UBE3D: variants seen among roughly 807,000 people sequenced by gnomAD.
UBE3D encodes ubiquitin protein ligase E3D, also known as E3 ubiquitin-protein ligase E3D.
A neutral mutation model predicts 49.6 loss-of-function variants in UBE3D; 48 were observed. The ratio of observed to expected loss-of-function variants is 0.97; its 90% CI spans 0.77 to 1.23. UBE3D has a LOEUF of 1.23. Among genes scored for constraint, UBE3D ranks in the 50% most tolerant of loss-of-function variants. The pLI, the probability that UBE3D is intolerant of heterozygous loss-of-function variation, is 0.00. For missense variants in UBE3D, 452 were observed against 468.4 expected (o/e 0.96, Z 0.32); for synonymous variants, 189 against 174.2 (o/e 1.08, Z -0.67).
At chr6:83,008,870 C>G (rs1780161942) in intron 8 of UBE3D, among the ~76,000 whole-genome samples, 1 of 152,088 alleles carries the variant, frequency 6.6e-6, no homozygotes, top group East Asian at 1.9e-4. Context: ...GGCAGAGAGT[C>G]AAACAACAGC....
chr6:82,914,177 TTTTG>T (rs990762683), intron 9 of UBE3D, among the ~76,000 whole-genome samples: 1 of 152,208 alleles, frequency 6.6e-6, no homozygotes, highest in Non-Finnish European at 1.5e-5. Flanking sequence ...TAGACTTATA[TTTTG>T]TTTTTGTTTA....
At chr6:83,047,224 A>G (rs1339449573) in intron 3 of UBE3D, among the ~76,000 whole-genome samples, 1 of 152,236 alleles carries the variant, frequency 6.6e-6, no homozygotes, top group Non-Finnish European at 1.5e-5. Context: ...GAAACCAGGT[A>G]AGAGCTTAGG....
At chr6:83,062,049 AT>A (rs1476756949) in intron 1 of UBE3D, among the ~76,000 whole-genome samples, 9 of 151,596 alleles carry the variant, frequency 5.9e-5, no homozygotes, top group East Asian at 1.9e-4. Context: ...TTTTTGTTTA[AT>A]TTTTTTCTCC....
At chr6:82,975,645 AC>A (rs1289630265) in intron 8 of UBE3D, among the ~76,000 whole-genome samples, 1 of 152,186 alleles carries the variant, frequency 6.6e-6, no homozygotes, top group Non-Finnish European at 1.5e-5. Context: ...GATTAACATT[AC>A]TTTTATATGA....
At chr6:83,060,621 T>C (rs139222365) in intron 1 of UBE3D, among the ~76,000 whole-genome samples, 162 of 152,316 alleles carry the variant, frequency 1.1e-3, no homozygotes, top group African/African-American at 3.8e-3. Context: ...CATTTTCTGC[T>C]TTAAAAAACG....
Position 82,945,219 on chromosome 6 carries a change from G to A in UBE3D, c.1149+12093C>T, listed in dbSNP as rs183841933. Among the ~76,000 whole-genome samples, 5 of 152,336 alleles carry A rather than the reference G, an allele frequency of 3.3e-5. No homozygotes were observed. The East Asian group carries it at 9.7e-4, about 29-fold the overall frequency. On this transcript the variant is annotated intron_variant, in intron 9 of 9. Coordinates refer to ENST00000369747, the MANE Select transcript of UBE3D (RefSeq NM_198920.3). ...AGCAGTCTTTGTGATGGTGGCCACAGGGGCGATTGTGTCACCTCAGCCCCA... is the reference window on the plus strand; with the variant it reads ...AGCAGTCTTTGTGATGGTGGCCACAAGGGCGATTGTGTCACCTCAGCCCCA...
chr6:82,913,378 G>T (rs954120280), intron 9 of UBE3D, among the ~76,000 whole-genome samples: 1 of 152,176 alleles, frequency 6.6e-6, no homozygotes, highest in Non-Finnish European at 1.5e-5. Context: ...CTCAGAAAAG[G>T]AATGACAGGG....
intron 9 of UBE3D, among the ~76,000 whole-genome samples, chr6:82,943,523 C>G (rs1050941753): frequency 2.0e-5 from 3 of 152,140 alleles, no homozygotes; most frequent in Admixed American, 2.0e-4. Flanking sequence ...GTAGTCCCAG[C>G]TACTTGGGAG....
At chr6:83,020,853 T>C (rs1317338880) in intron 7 of UBE3D, among the ~76,000 whole-genome samples, 1 of 152,216 alleles carries the variant, frequency 6.6e-6, no homozygotes, top group East Asian at 1.9e-4. Flanking sequence ...AAGGCATTTG[T>C]GTTCTACCTT....
chr6:83,051,867 A>G (rs753346760), intron 3 of UBE3D, among the ~76,000 whole-genome samples: 9 of 152,204 alleles, frequency 5.9e-5, no homozygotes, highest in Non-Finnish European at 1.0e-4. Flanking sequence ...ACTCTGTGCC[A>G]TCTCATCTAC....
chr6:82,893,004 A>C lies in UBE3D; in HGVS notation c.*18T>G, dbSNP rs748163761. On this transcript the variant is annotated 3_prime_UTR_variant, in exon 10 of 10. Coordinates refer to ENST00000369747, the MANE Select transcript of UBE3D (RefSeq NM_198920.3). ...TGAGAGCTGTCTGCCGGGGGAGGAG[A>C]ATGCCCAGCTCTAATAGTTACATCT... 3.1e-6 allele frequency: 5 copies of C among 1,613,652 alleles called. No individual in the cohort carries two copies. Among genetic ancestry groups the C allele is most frequent in the Non-Finnish European group, 4.2e-6 (5 of 1,179,848 alleles).
At position 82,947,549 on chromosome 6, in the gene UBE3D, T is replaced by C. The variant is rs1775494792; in HGVS notation, c.1149+9763A>G. The stretch of plus-strand genomic sequence containing the variant: ...CTTTTCTTTTTCTTGCCCTATCTTA[T>C]GGTGCTGAACAATACATATTCTTCT... On this transcript the variant is annotated intron_variant, in intron 9 of 9. Coordinates refer to ENST00000369747, the MANE Select transcript of UBE3D (RefSeq NM_198920.3). Among the ~76,000 whole-genome samples the C allele has an allele frequency of 2.0e-5, 3 of 151,942 alleles. 1 individual carries two copies. The highest frequency in any genetic ancestry group is 3.8e-4 in the East Asian group (2 of 5,196).
intron 9 of UBE3D, among the ~76,000 whole-genome samples, chr6:82,942,696 G>A (rs1228505984): frequency 1.3e-5 from 2 of 152,250 alleles, no homozygotes; most frequent in Admixed American, 1.3e-4. Context: ...TGAGTGCACA[G>A]TTGTCAAGAA....
At chr6:83,004,131 T>C (rs1243829761) in intron 8 of UBE3D, among the ~76,000 whole-genome samples, 1 of 152,196 alleles carries the variant, frequency 6.6e-6, no homozygotes, top group Non-Finnish European at 1.5e-5. Flanking sequence ...ATGAACATAC[T>C]GTAAATCAGA....
downstream of UBE3D, among the ~76,000 whole-genome samples, chr6:82,890,209 C>A (rs1770955454): frequency 6.6e-6 from 1 of 152,116 alleles, no homozygotes; most frequent in Non-Finnish European, 1.5e-5. Flanking sequence ...ATTTAAATGT[C>A]TTTAATGCTA....
chr6:83,044,344 C>G, intron 4 of UBE3D, 84 bp downstream of exon 4: 2 of 1,337,682 alleles, frequency 1.5e-6, no homozygotes, highest in Non-Finnish European at 2.1e-6. Context: ...GTCTATGTAA[C>G]AAGCCCTTAA....
At chr6:82,897,808 G>A (rs763021219) in intron 9 of UBE3D, among the ~76,000 whole-genome samples, 1 of 152,144 alleles carries the variant, frequency 6.6e-6, no homozygotes, top group African/African-American at 2.4e-5. Context: ...CGACCATGTT[G>A]AGGATACCCT....
chr6:82,973,746 AC>A (rs1442753289), intron 8 of UBE3D, among the ~76,000 whole-genome samples: 2 of 152,134 alleles, frequency 1.3e-5, no homozygotes, highest in African/African-American at 4.8e-5. Flanking sequence ...CAACCCCTGG[AC>A]CACAGACCAA....
intron 8 of UBE3D, among the ~76,000 whole-genome samples, chr6:83,015,699 C>T (rs939569360): frequency 6.6e-6 from 1 of 152,158 alleles, no homozygotes; most frequent in Non-Finnish European, 1.5e-5. Context: ...AGTTATAGGT[C>T]TAGAAGCAAA....
Sources: gnomAD v4.1 joint callset for allele counts (sites outside exome capture counted in the v4.1 genomes callset) on GRCh38, gnomAD v4.1.1 for gene constraint, MANE v1.5 for transcripts, NCBI Gene and HGNC (gene_info 2026-07-23, HGNC 2026-07-21) for gene names.